SNTG1: variants seen among roughly 807,000 people sequenced by gnomAD.
SNTG1 encodes gamma-1-syntrophin.
Under a neutral mutation model 74.7 loss-of-function variants are expected in SNTG1, and 39 were observed. The observed-to-expected ratio is 0.52, with a 90% CI of 0.40 to 0.68. The LOEUF is 0.68. Ranked by LOEUF, SNTG1 falls within the 30% of genes least tolerant of loss-of-function variation. The probability of loss-of-function intolerance (pLI) is 0.00; values close to 1 mark genes in which losing one functional copy is unlikely to be tolerated. For synonymous variants in SNTG1, 254 were observed against 217.1 expected (o/e 1.17, Z -1.49); for missense variants, 685 against 609.5 (o/e 1.12, Z -1.30).
At chr8:49,987,595 AAT>A (rs1813286544) in intron 1 of SNTG1, among the ~76,000 whole-genome samples, 1 of 152,114 alleles carries the variant, frequency 6.6e-6, no homozygotes, top group Non-Finnish European at 1.5e-5. Flanking sequence ...AGCCTGCTAT[AAT>A]ATTAGGTCGG....
At chr8:50,652,120 G>C (rs1563696017) in intron 13 of SNTG1, among the ~76,000 whole-genome samples, 1 of 152,058 alleles carries the variant, frequency 6.6e-6, no homozygotes, top group Non-Finnish European at 1.5e-5. Flanking sequence ...TTTGGAGGGG[G>C]ATATTCTAAT....
intron 2 of SNTG1, among the ~76,000 whole-genome samples, chr8:50,305,317 C>T (rs2089841741): frequency 2.0e-5 from 3 of 151,872 alleles, no homozygotes; most frequent in African/African-American, 7.3e-5. Flanking sequence ...TTATGGTGTA[C>T]CTGCTCAATT....
intron 5 of SNTG1, among the ~76,000 whole-genome samples, chr8:50,441,353 A>G (rs2093356009): frequency 6.6e-6 from 1 of 152,146 alleles, no homozygotes; most frequent in Admixed American, 6.6e-5. Flanking sequence ...TCTTTACCTT[A>G]TATAAGACAT....
intron 2 of SNTG1, among the ~76,000 whole-genome samples, chr8:50,324,822 C>T (rs1446845783): frequency 6.6e-6 from 1 of 151,460 alleles, no homozygotes; most frequent in African/African-American, 2.4e-5. Context: ...AAAGTCATCA[C>T]CAAATGTAAG....
chr8:50,426,243 C>T (rs1008050684), intron 4 of SNTG1, among the ~76,000 whole-genome samples: 2 of 152,068 alleles, frequency 1.3e-5, no homozygotes, highest in African/African-American at 4.8e-5. Context: ...CCTCAGGCAC[C>T]TCTTGTCTGT....
intron 1 of SNTG1, among the ~76,000 whole-genome samples, chr8:50,004,461 C>T (rs184259110): frequency 2.0e-5 from 3 of 152,228 alleles, no homozygotes; most frequent in Admixed American, 2.0e-4. Context: ...CTAGAGGATC[C>T]TCACTTACTG....
intron 5 of SNTG1, among the ~76,000 whole-genome samples, chr8:50,439,050 G>A (rs1381544575): frequency 6.6e-6 from 1 of 151,974 alleles, no homozygotes; most frequent in Non-Finnish European, 1.5e-5. Flanking sequence ...TAATTGTATA[G>A]TGCTAATCAT....
At chr8:50,448,827 G>A (rs1037668346) in intron 5 of SNTG1, among the ~76,000 whole-genome samples, 7 of 152,094 alleles carry the variant, frequency 4.6e-5, no homozygotes, top group African/African-American at 1.7e-4. Flanking sequence ...GAGGTCAGGA[G>A]ATGGAAACTA....
chr8:50,392,000 G>GAAGC (rs1376085477), intron 2 of SNTG1, among the ~76,000 whole-genome samples: 1 of 152,096 alleles, frequency 6.6e-6, no homozygotes, highest in East Asian at 1.9e-4. Flanking sequence ...ACAGCCAAAA[G>GAAGC]AAGCCCAAGG....
intron 2 of SNTG1, among the ~76,000 whole-genome samples, chr8:50,267,272 G>T (rs1226809180): frequency 6.6e-6 from 1 of 152,046 alleles, no homozygotes; most frequent in African/African-American, 2.4e-5. Context: ...TCTGATAAGG[G>T]ATTTGTAGCC....
At chr8:49,935,523 CAAAA>C (rs59390567) in intron 1 of SNTG1, among the ~76,000 whole-genome samples, 1 of 75,638 alleles carries the variant, frequency 1.3e-5, no homozygotes. Context: ...AGATGTAAAC[CAAAA>C]AAAAAAAAAA....
intron 12 of SNTG1, among the ~76,000 whole-genome samples, chr8:50,590,186 G>A (rs1354453724): frequency 1.3e-5 from 2 of 152,080 alleles, no homozygotes; most frequent in African/African-American, 4.8e-5. Flanking sequence ...ACCATAGAGA[G>A]TTAGCATGCT....
In SNTG1 at chr8:49,952,314, C is replaced by T. The variant is rs140364573; in HGVS notation, c.-103+40083C>T. 1.8e-3 allele frequency among the ~76,000 whole-genome samples: 268 copies of T among 152,170 alleles called. 1 individual carries two copies. Among genetic ancestry groups the T allele is most frequent in the Admixed American group, 5.8e-3 (89 of 15,278 alleles). ...TTTTTTGTGCTGTTGTGTTAAACAACGCAAAATCCTGATGAGAATATGGGG... is the reference window on the plus strand; with the variant it reads ...TTTTTTGTGCTGTTGTGTTAAACAATGCAAAATCCTGATGAGAATATGGGG... On this transcript the variant is annotated intron_variant, in intron 1 of 18. Transcript: ENST00000642720.
chr8:50,452,871 G>T lies in SNTG1; in HGVS notation c.363+2142G>T, dbSNP rs1382679873. On this transcript the variant is annotated intron_variant, in intron 8 of 18. Transcript: ENST00000642720. ...AGTAGAACAGAGATATTAATTAAAT[G>T]TTTAATAATCAACCTACAAGGGCAG... Among the ~76,000 whole-genome samples, 2 of 152,134 alleles carry T rather than the reference G, an allele frequency of 1.3e-5. 1 individual carries two copies. Among genetic ancestry groups the T allele is most frequent in the Admixed American group, 1.3e-4 (2 of 15,252 alleles).
At chr8:50,671,884 G>T (rs543452339) in intron 15 of SNTG1, among the ~76,000 whole-genome samples, 1 of 151,802 alleles carries the variant, frequency 6.6e-6, no homozygotes, top group Non-Finnish European at 1.5e-5. Flanking sequence ...ATGAGTTCAT[G>T]TCCTTTGTAG....
chr8:50,213,127 C>T (rs1205451594), intron 2 of SNTG1, among the ~76,000 whole-genome samples: 2 of 152,222 alleles, frequency 1.3e-5, no homozygotes, highest in South Asian at 2.1e-4. Context: ...CATCACTTAT[C>T]GAAAATTCTC....
At chr8:50,558,841 A>G (rs1358233693) in intron 12 of SNTG1, among the ~76,000 whole-genome samples, 2 of 152,228 alleles carry the variant, frequency 1.3e-5, no homozygotes, top group African/African-American at 4.8e-5. Flanking sequence ...TCAACAAAAT[A>G]AAGATTTACT....
At position 50,579,974 on chromosome 8, in the gene SNTG1, G is replaced by T. The variant is rs557115238; in HGVS notation, c.811-10905G>T. Reference sequence around the variant, plus strand: ...ATAATGGTAGAACTACTGACGGCTTGCACCGTGTGCTGGGAAAAGGAACAG... The same window carrying T: ...ATAATGGTAGAACTACTGACGGCTTTCACCGTGTGCTGGGAAAAGGAACAG... On this transcript the variant is annotated intron_variant, in intron 12 of 18. Coordinates refer to ENST00000642720, the MANE Select transcript of SNTG1 (RefSeq NM_018967.5). Among the ~76,000 whole-genome samples, 21 of 152,306 alleles carry T rather than the reference G, an allele frequency of 1.4e-4. No homozygotes were observed. In the South Asian group the frequency reaches 3.1e-3, roughly 23 times the overall value.
intron 2 of SNTG1, among the ~76,000 whole-genome samples, chr8:50,260,452 A>G (rs1240033937): frequency 6.6e-6 from 1 of 152,118 alleles, no homozygotes; most frequent in Non-Finnish European, 1.5e-5. Flanking sequence ...TTACAAATGC[A>G]TCACTAAAGT....
Sources: gnomAD v4.1 joint callset for allele counts (sites outside exome capture counted in the v4.1 genomes callset) on GRCh38, gnomAD v4.1.1 for gene constraint, MANE v1.5 for transcripts, NCBI Gene and HGNC (gene_info 2026-07-23, HGNC 2026-07-21) for gene names.